DENND1A: variants seen among roughly 807,000 people sequenced by gnomAD.
DENND1A encodes DENN domain containing 1A, also known as DENN domain-containing protein 1A.
A neutral mutation model predicts 113.7 loss-of-function variants in DENND1A; 51 were observed. The ratio of observed to expected loss-of-function variants is 0.45; its 90% confidence interval spans 0.36 to 0.57. The LOEUF (loss-of-function observed/expected upper bound fraction) is 0.57. Ranked by LOEUF, DENND1A falls within the 20% of genes least tolerant of loss-of-function variation. The probability of loss-of-function intolerance (pLI) is 0.00; values close to 1 mark genes in which losing one functional copy is unlikely to be tolerated. For synonymous variants in DENND1A, 565 were observed against 570.8 expected, an observed-to-expected ratio of 0.99 and a Z score of 0.14; for missense variants, 1,258 against 1,395.9, an observed-to-expected ratio of 0.90 and a Z score of 1.57.
chr9:123,456,237 C>T (rs2048110389), intron 15 of DENND1A, among the ~76,000 whole-genome samples: 1 of 152,046 alleles, frequency 6.6e-6, no homozygotes, highest in East Asian at 1.9e-4. Flanking sequence ...CCAGAATAGA[C>T]ACACACCCAG....
At chr9:123,603,924 T>G (rs1379183665) in intron 11 of DENND1A, among the ~76,000 whole-genome samples, 1 of 152,222 alleles carries the variant, frequency 6.6e-6, no homozygotes, top group Non-Finnish European at 1.5e-5. Context: ...CCTAAAGAAT[T>G]ACCTTGATCT....
chr9:123,595,792 C>T (rs951394826), intron 11 of DENND1A, among the ~76,000 whole-genome samples: 13 of 152,142 alleles, frequency 8.5e-5, no homozygotes, highest in South Asian at 2.1e-4. Context: ...ATCAAGCAGA[C>T]GCTCGGTCAG....
intron 2 of DENND1A, among the ~76,000 whole-genome samples, chr9:123,809,890 C>G (rs1040857450): frequency 6.6e-6 from 1 of 152,038 alleles, no homozygotes; most frequent in South Asian, 2.1e-4. Flanking sequence ...AGGCTGGTCT[C>G]GAACTCCTGA....
chr9:123,413,641 G>A, intron 19 of DENND1A: 1 of 985,482 alleles, frequency 1.0e-6, no homozygotes, highest in Non-Finnish European at 1.2e-6. Flanking sequence ...AGAACACGAT[G>A]GGATAGAATG....
intron 5 of DENND1A, among the ~76,000 whole-genome samples, chr9:123,698,564 T>C (rs940658712): frequency 1.3e-5 from 2 of 152,232 alleles, no homozygotes; most frequent in Admixed American, 6.5e-5. Context: ...ACCAACATTA[T>C]ATAATTTCAT....
chr9:123,604,991 A>G (rs571677234), intron 11 of DENND1A, among the ~76,000 whole-genome samples: 29 of 152,326 alleles, frequency 1.9e-4, no homozygotes, highest in African/African-American at 6.7e-4. Flanking sequence ...CAGTGATCCC[A>G]TAAGGGAGAC....
chr9:123,795,713 T>C (rs1309888798), intron 2 of DENND1A, among the ~76,000 whole-genome samples: 2 of 152,234 alleles, frequency 1.3e-5, no homozygotes, highest in African/African-American at 4.8e-5. Context: ...AATATTTATA[T>C]ATCTATTTCT....
At chr9:123,676,606 T>C in intron 6 of DENND1A, 114 bp downstream of exon 6, 1 of 916,610 alleles carries the variant, frequency 1.1e-6, no homozygotes, top group Non-Finnish European at 1.6e-6. Flanking sequence ...TTTCCCAAAA[T>C]TCCTATAATG....
intron 1 of DENND1A, among the ~76,000 whole-genome samples, chr9:123,888,036 C>T (rs1421474929): frequency 3.3e-5 from 5 of 152,198 alleles, no homozygotes; most frequent in African/African-American, 4.8e-5. Context: ...GGAGCAGCAA[C>T]ACCCCAACAG....
chr9:123,508,880 G>A (rs887394050), intron 13 of DENND1A, among the ~76,000 whole-genome samples: 2 of 152,238 alleles, frequency 1.3e-5, no homozygotes, highest in Non-Finnish European at 2.9e-5. Flanking sequence ...GGAATTCAGA[G>A]CAGAGTACCC....
chr9:123,614,786 C>T (rs2060571647), intron 10 of DENND1A, among the ~76,000 whole-genome samples: 1 of 152,170 alleles, frequency 6.6e-6, no homozygotes, highest in South Asian at 2.1e-4. Context: ...CACAGTGTCA[C>T]CTTACCTCTC....
At chr9:123,442,182 C>A (rs2046977527) in intron 18 of DENND1A, among the ~76,000 whole-genome samples, 1 of 152,208 alleles carries the variant, frequency 6.6e-6, no homozygotes, top group Non-Finnish European at 1.5e-5. Context: ...GGCCTCCTTT[C>A]CTAAGGAATC....
intron 13 of DENND1A, among the ~76,000 whole-genome samples, chr9:123,520,687 A>G (rs1364570682): frequency 3.9e-5 from 6 of 152,246 alleles, no homozygotes; most frequent in Non-Finnish European, 8.8e-5. Flanking sequence ...CAATCAGCCA[A>G]TCACTGAACT....
intron 5 of DENND1A, among the ~76,000 whole-genome samples, chr9:123,747,675 G>T (rs1257547718): frequency 6.6e-6 from 1 of 152,078 alleles, no homozygotes; most frequent in Non-Finnish European, 1.5e-5. Context: ...CATGTAATTT[G>T]CTTTCACTTA....
intron 13 of DENND1A, among the ~76,000 whole-genome samples, chr9:123,464,884 C>T (rs565171525): frequency 6.7e-6 from 1 of 149,826 alleles, no homozygotes; most frequent in Non-Finnish European, 1.5e-5. Flanking sequence ...CACAATGGCT[C>T]ATGCCTGTAA....
chr9:123,587,757 G>A (rs2059251165), intron 11 of DENND1A, among the ~76,000 whole-genome samples: 1 of 152,178 alleles, frequency 6.6e-6, no homozygotes, highest in South Asian at 2.1e-4. Flanking sequence ...AATCCTGCAT[G>A]CAATTTTGTA....
At chr9:123,860,727 T>A (rs943263040) in intron 2 of DENND1A, among the ~76,000 whole-genome samples, 1 of 152,358 alleles carries the variant, frequency 6.6e-6, no homozygotes, top group Non-Finnish European at 1.5e-5. Context: ...TTGTATCTGC[T>A]AATAATGCCT....
chr9:123,860,095 C>T (rs1363678381), intron 2 of DENND1A, among the ~76,000 whole-genome samples: 5 of 152,252 alleles, frequency 3.3e-5, no homozygotes, highest in African/African-American at 7.2e-5. Context: ...AGAAGGTGCA[C>T]GCCTGAGCTA....
chr9:123,717,993 C>T (rs2067093611), intron 5 of DENND1A, among the ~76,000 whole-genome samples: 1 of 152,228 alleles, frequency 6.6e-6, no homozygotes, highest in South Asian at 2.1e-4. Flanking sequence ...ACAGAAGTCA[C>T]AGTCAGCTCC....
Sources: allele counts gnomAD v4.1 joint callset (sites outside exome capture counted in the v4.1 genomes callset), GRCh38; gene constraint gnomAD v4.1.1; transcripts MANE v1.5; gene names NCBI Gene and HGNC (gene_info 2026-07-23, HGNC 2026-07-21).